PTGIR: variants seen among roughly 807,000 people sequenced by gnomAD.
PTGIR encodes the protein prostacyclin receptor.
PTGIR carries 16 observed loss-of-function variants against 17.6 expected under a neutral mutation model. The observed-to-expected ratio is 0.91, with a 90% CI of 0.61 to 1.38. The LOEUF is 1.38. Among genes scored for constraint, PTGIR ranks in the 40% most tolerant of loss-of-function variants. PTGIR has a pLI of 0.00. For missense variants in PTGIR, 532 were observed against 548.6 expected (o/e 0.97, Z 0.30); for synonymous variants, 274 against 255.4 (o/e 1.07, Z -0.69).
rs922825619 is a variant in PTGIR at position 46,624,557 on chromosome 19, C to G, written c.-12-320G>C. 5.3e-5 allele frequency: 12 copies of G among 225,754 alleles called. No homozygotes were observed. The South Asian group carries it at 1.0e-3, about 19-fold the overall frequency. The allele number at this position is 225,754 out of a possible 1,614,324, so 14.0% of individuals were successfully genotyped here. Reference sequence around the variant, plus strand: ...GCAACCTCCACCTCCTGGGTTCAAGCGATTCTCCTGCCCCAGCCTCTGGAG... The same window carrying G: ...GCAACCTCCACCTCCTGGGTTCAAGGGATTCTCCTGCCCCAGCCTCTGGAG... On this transcript the variant is annotated intron_variant, in intron 1 of 2. Transcript: ENST00000291294.
At position 46,621,581 on chromosome 19, in the gene PTGIR, A is replaced by G. The variant is rs2052728714; in HGVS notation, c.860T>C (p.Leu287Pro). The G allele has an allele frequency of 6.2e-7, 1 of 1,614,000 alleles. No homozygotes were observed. The highest frequency in any genetic ancestry group is 1.7e-5 in the Admixed American group (1 of 60,036). Residue 287 changes from leucine (L) to proline (P), a missense_variant, in exon 3 of 3, where the codon CTG becomes CCG. Transcript: ENST00000291294. The surrounding 1 kb of genome is among the most constrained non-coding windows in gnomAD (Gnocchi z 4.8). ...GAAAAGGATGAAGACCCAGGGGTCC[A>G]GGATGGGGTTGAAGGCGTAGAAGCG... ...AFRFYAFNPILDPWVFILFRK... is the reference protein window; with the variant it reads ...AFRFYAFNPIPDPWVFILFRK...
Position 46,620,927 on chromosome 19 carries a change from C to T in PTGIR, c.*353G>A. 1 of 1,011,960 alleles carries T rather than the reference C, an allele frequency of 9.9e-7. No homozygotes were observed. Among genetic ancestry groups the T allele is most frequent in the Non-Finnish European group, 1.2e-6 (1 of 847,798 alleles). 62.7% of individuals were successfully genotyped at this position (1,011,960 alleles called of 1,614,324 possible). On this transcript the variant is annotated 3_prime_UTR_variant, in exon 3 of 3. Transcript: ENST00000291294. ...CTCCTAAGTGGACGCAGATTGGAGC[C>T]AGCACCCAGACCAGAGCAGACCTGA...
chr19:46,612,270 A>G, the PTGIR span, among the ~76,000 whole-genome samples: 1 of 152,216 alleles, frequency 6.6e-6, no homozygotes, highest in African/African-American at 2.4e-5. Flanking sequence ...CTGGACCTCA[A>G]TGACCCTGTC....
chr19:46,623,300 C>T (rs2052752117), intron 2 of PTGIR, 158 bp downstream of exon 2: 5 of 911,374 alleles, frequency 5.5e-6, no homozygotes, highest in Admixed American at 6.5e-5. Context: ...TCCGGTCCTG[C>T]CTCGGCCTTT....
At chr19:46,624,961 GCT>G (rs1406320816) in intron 1 of PTGIR, 34 bp downstream of exon 1, 1 of 153,934 alleles carries the variant, frequency 6.5e-6, no homozygotes, top group Non-Finnish European at 1.4e-5. Flanking sequence ...ACCTGCTCCT[GCT>G]CTGTGTTGCT....
Position 46,621,296 on chromosome 19 carries a change from G to A in PTGIR, c.1145C>T (p.Ala382Val). 6.6e-7 allele frequency: 1 copy of A among 1,513,896 alleles called. No homozygotes were observed. The highest frequency in any genetic ancestry group is 8.8e-7 in the Non-Finnish European group (1 of 1,130,782). The allele number at this position is 1,513,896 out of a possible 1,614,324, so 93.8% of individuals were successfully genotyped here. Residue 382 changes from alanine to valine, a missense_variant, in exon 3 of 3, where the codon GCC becomes GTC. Coordinates refer to ENST00000291294, the MANE Select transcript of PTGIR (RefSeq NM_000960.4). The surrounding 1 kb of genome is among the most constrained non-coding windows in gnomAD (Gnocchi z 4.8). ...GTSSKAEASV[A>V]CSLC ...CTTGAAATGTCAGCAGAGGGAGCAG[G>A]CGACGCTGGCTTCTGCTTTGGACGA...
chr19:46,614,485 C>T, the PTGIR span: 4,185 of 948,614 alleles, frequency 4.4e-3, 14 homozygotes, highest in Non-Finnish European at 5.1e-3. Context: ...GTCCCCCGTT[C>T]CCAGCACATC....
At chr19:46,613,260 C>T in the PTGIR span, among the ~76,000 whole-genome samples, 1 of 151,468 alleles carries the variant, frequency 6.6e-6, no homozygotes, top group Non-Finnish European at 1.5e-5. Context: ...CCAGGCTGGT[C>T]TCTAATTCCT....
rs768787228 is a variant in PTGIR, at chr19:46,621,323, G to C, written c.1118C>G (p.Thr373Arg). Residue 373 changes from threonine to arginine, a missense_variant, in exon 3 of 3, where the codon ACG (threonine) becomes AGG (arginine). Transcript: ENST00000291294. This position sits in a 1 kb window ranked among gnomAD's most constrained non-coding sequence, Gnocchi z 4.8. ...GACGCTGGCTTCTGCTTTGGACGAC[G>C]TTCCCACGGCGCTGCCGCTGGACTG... ...TQQSSGSAVG[T>R]SSKAEASVAC... 1.3e-6 allele frequency: 2 copies of C among 1,521,140 alleles called. No homozygotes were observed. Among genetic ancestry groups the C allele is most frequent in the Admixed American group, 4.4e-5 (2 of 45,828 alleles). The allele number at this position is 1,521,140 out of a possible 1,614,324, so 94.2% of individuals were successfully genotyped here.
At position 46,620,914 on chromosome 19, in the gene PTGIR, C is replaced by T. The variant is rs201926050; in HGVS notation, c.*366G>A. The T allele has an allele frequency of 2.1e-5, 21 of 1,004,110 alleles. No homozygotes were observed. The Admixed American group carries it at 3.6e-4, about 17-fold the overall frequency. The allele number at this position is 1,004,110 out of a possible 1,614,324, so 62.2% of individuals were successfully genotyped here. On this transcript the variant is annotated 3_prime_UTR_variant, in exon 3 of 3. Transcript: ENST00000291294. Reference sequence around the variant, plus strand: ...TGGGCAGTTGGGCCTCCTAAGTGGACGCAGATTGGAGCCAGCACCCAGACC... The same window carrying T: ...TGGGCAGTTGGGCCTCCTAAGTGGATGCAGATTGGAGCCAGCACCCAGACC...
chr19:46,622,440 T>G, intron 2 of PTGIR: 1 of 967,746 alleles, frequency 1.0e-6, no homozygotes, highest in Non-Finnish European at 1.2e-6. Flanking sequence ...TACTGTGGAA[T>G]GGGTGGCTAT....
At chr19:46,617,609 C>G (rs545516100), downstream of PTGIR, among the ~76,000 whole-genome samples, 2 of 152,304 alleles carry the variant, frequency 1.3e-5, no homozygotes, top group African/African-American at 4.8e-5. Context: ...CTCAGCTCTG[C>G]CTGGTACACA....
chr19:46,612,317 C>A, the PTGIR span, among the ~76,000 whole-genome samples: 69 of 152,304 alleles, frequency 4.5e-4, no homozygotes, highest in Non-Finnish European at 8.5e-4. Context: ...GCCTCCTGAG[C>A]TGAGGATTGG....
Position 46,624,285 on chromosome 19 carries a change from C to G in PTGIR, c.-12-48G>C, listed in dbSNP as rs1046861572. 6.5e-5 allele frequency: 92 copies of G among 1,404,768 alleles called. No homozygotes were observed. In the Middle Eastern group the frequency reaches 1.5e-3, roughly 23 times the overall value. The allele number at this position is 1,404,768 out of a possible 1,614,324, so 87.0% of individuals were successfully genotyped here. ...GGTCAGAGGGAGCCAGGGCTACCCC[C>G]ACCACCCAGCCCACTCAGATGTCCC... On this transcript the variant is annotated intron_variant, in intron 1 of 2. Transcript: ENST00000291294.
rs1972042605 is a variant in PTGIR at position 46,620,488 on chromosome 19, T to C, written c.*792A>G. ...TGAGGTCAGGCTCTGCAAGGAGGCT[T>C]TTATTTATTCAGGACCCTGGGGACA... is the stretch of plus-strand genomic sequence containing the variant. On this transcript the variant is annotated 3_prime_UTR_variant, in exon 3 of 3. Transcript: ENST00000291294. The C allele has an allele frequency of 1.0e-6, 1 of 985,272 alleles. No individual in the cohort carries two copies. The highest frequency in any genetic ancestry group is 1.2e-6 in the Non-Finnish European group (1 of 829,932). 61.0% of individuals were successfully genotyped at this position (985,272 alleles called of 1,614,324 possible). A position where few individuals can be genotyped will look rare whatever the true frequency, so the allele number is the denominator to read the frequency against.
rs1568676656 is a variant in PTGIR, at chr19:46,620,603, C to T, written c.*677G>A. On this transcript the variant is annotated 3_prime_UTR_variant, in exon 3 of 3. Transcript: ENST00000291294. The stretch of plus-strand genomic sequence containing the variant: ...GCCAGCTTCTCCATCTGTCTCCCCA[C>T]CACCTGCACCCCCCCAGTTCTCATC... 1.0e-6 allele frequency: 1 copy of T among 979,438 alleles called. No individual in the cohort carries two copies. The highest frequency in any genetic ancestry group is 1.2e-6 in the Non-Finnish European group (1 of 827,260). The allele number at this position is 979,438 out of a possible 1,614,324, so 60.7% of individuals were successfully genotyped here.
chr19:46,619,489 T>C (rs190275623), downstream of PTGIR, among the ~76,000 whole-genome samples: 553 of 130,648 alleles, frequency 4.2e-3, 5 homozygotes, highest in African/African-American at 0.015. Context: ...AGTGATATTC[T>C]GTCTCAAAAA....
intron 1 of PTGIR, 134 bp from the exon 2 acceptor site, chr19:46,624,371 G>A (rs2052777529): frequency 4.0e-6 from 3 of 748,618 alleles, no homozygotes; most frequent in South Asian, 4.5e-5. Flanking sequence ...TCCTGTGTGT[G>A]CGGGTATGCA....
Position 46,621,652 on chromosome 19 carries a change from A to G in PTGIR, c.789T>C (p.Ala263=), listed in dbSNP as rs770496415. 8 of 1,612,646 alleles carry G rather than the reference A, an allele frequency of 5.0e-6. No homozygotes were observed. Among genetic ancestry groups the G allele is most frequent in the Non-Finnish European group, 6.8e-6 (8 of 1,179,580 alleles). Reference sequence around the variant, plus strand: ...TCTCACTGCTGCTGTCAGGGGCGACAGCCTGGGTGAAGCAGCGGATCTGAG... The same window carrying G: ...TCTCACTGCTGCTGTCAGGGGCGACGGCCTGGGTGAAGCAGCGGATCTGAG... ...LPLTIRCFTQ[A]VAPDSSSEMG... Residue 263 remains alanine, a synonymous_variant, in exon 3 of 3, where the codon GCT becomes GCC. Coordinates refer to ENST00000291294, the MANE Select transcript of PTGIR (RefSeq NM_000960.4). The surrounding 1 kb of genome is among the most constrained non-coding windows in gnomAD (Gnocchi z 4.8).
Sources: allele counts gnomAD v4.1 joint callset (sites outside exome capture counted in the v4.1 genomes callset), GRCh38; gene constraint gnomAD v4.1.1; non-coding constraint Gnocchi (gnomAD v3.1); transcripts MANE v1.5; gene names NCBI Gene and HGNC (gene_info 2026-07-23, HGNC 2026-07-21).